The following ZBTB38 variants were observed in gnomAD, a reference collection of about 807,000 sequenced individuals.
ZBTB38 encodes zinc finger and BTB domain-containing protein 38.
Under a neutral mutation model 76.8 loss-of-function variants are expected in ZBTB38, and 20 were observed. The ratio of observed to expected loss-of-function variants is 0.26; its 90% confidence interval spans 0.18 to 0.38. ZBTB38 has a LOEUF of 0.38. Among genes scored for constraint, ZBTB38 ranks in the 10% least tolerant of loss-of-function variants. ZBTB38 has a pLI of 1.00. For synonymous variants in ZBTB38, 504 were observed against 544.2 expected (o/e 0.93, Z 1.03); for missense variants, 1,082 against 1,482.3 (o/e 0.73, Z 4.43).
chr3:141,425,974 G>GGT, intron 5 of ZBTB38: 5 of 384,150 alleles, frequency 1.3e-5, no homozygotes, highest in East Asian at 7.3e-5. Context: ...GTAGAACGGT[G>GGT]CAGAGCACAC....
At chr3:141,340,962 G>GAAAAGAAAAGAAAAGAAAAGA (rs745536086) in intron 1 of ZBTB38, among the ~76,000 whole-genome samples, 22 of 131,686 alleles carry the variant, frequency 1.7e-4, no homozygotes, top group African/African-American at 6.0e-4. Flanking sequence ...AAGAAAGAAA[G>GAAAAGAAAAGAAAAGAAAAGA]AAAGAAAGAA....
chr3:141,329,701 T>G (rs1248065698), intron 1 of ZBTB38, among the ~76,000 whole-genome samples: 1 of 152,246 alleles, frequency 6.6e-6, no homozygotes, highest in Non-Finnish European at 1.5e-5. Flanking sequence ...AGTTTCCAGA[T>G]ACTGCATTAC....
intron 4 of ZBTB38, chr3:141,396,182 G>A (rs1230964764): frequency 6.6e-6 from 1 of 152,224 alleles, no homozygotes; most frequent in East Asian, 1.9e-4. Flanking sequence ...AGTAGAGTCA[G>A]TCTTCTGAAA....
intron 1 of ZBTB38, among the ~76,000 whole-genome samples, chr3:141,363,198 T>C (rs148117021): frequency 3.3e-5 from 5 of 152,280 alleles, no homozygotes; most frequent in African/African-American, 1.2e-4. Flanking sequence ...ACAAAAGAAT[T>C]GCAAGACTTG....
chr3:141,408,982 T>C (rs1955662913), intron 5 of ZBTB38, among the ~76,000 whole-genome samples: 1 of 152,200 alleles, frequency 6.6e-6, no homozygotes, highest in Non-Finnish European at 1.5e-5. Context: ...CAACATGGTG[T>C]GGCAAGTGAA....
chr3:141,438,056 C>T (rs1239647947), intron 5 of ZBTB38, among the ~76,000 whole-genome samples: 3 of 147,830 alleles, frequency 2.0e-5, no homozygotes, highest in Non-Finnish European at 3.0e-5. Context: ...GGACTACAGG[C>T]GCACGCCACT....
chr3:141,346,822 A>G (rs1399662249), intron 1 of ZBTB38, among the ~76,000 whole-genome samples: 1 of 92,538 alleles, frequency 1.1e-5, no homozygotes, highest in Non-Finnish European at 2.3e-5. Context: ...GTGTGGTGCA[A>G]TGCTCACACA....
At chr3:141,395,261 T>G (rs1352104875) in intron 4 of ZBTB38, among the ~76,000 whole-genome samples, 1 of 152,188 alleles carries the variant, frequency 6.6e-6, no homozygotes. Context: ...TTGGTTAACA[T>G]CAGGTTACTG....
intron 5 of ZBTB38, among the ~76,000 whole-genome samples, chr3:141,430,546 C>T (rs758545458): frequency 5.9e-5 from 9 of 152,222 alleles, no homozygotes; most frequent in Non-Finnish European, 5.9e-5. Flanking sequence ...GGCGCATCAT[C>T]TCATTCACTC....
intron 4 of ZBTB38, chr3:141,402,479 G>A (rs958997638): frequency 6.7e-6 from 1 of 149,256 alleles, no homozygotes; most frequent in Non-Finnish European, 1.5e-5. Flanking sequence ...TCTTCGCGGG[G>A]CCGGGGGCGG....
intron 4 of ZBTB38, among the ~76,000 whole-genome samples, chr3:141,401,532 G>A (rs1185758277): frequency 6.6e-6 from 1 of 152,010 alleles, no homozygotes; most frequent in East Asian, 1.9e-4. Context: ...GAACTGGGAT[G>A]CAGAATTGCA....
intron 3 of ZBTB38, 99 bp from the exon 4 acceptor site, chr3:141,386,773 T>C (rs1559930466): frequency 6.6e-6 from 1 of 152,646 alleles, no homozygotes; most frequent in East Asian, 1.9e-4. Flanking sequence ...ATGCCTTCTG[T>C]CTGGTTGCAG....
intron 1 of ZBTB38, among the ~76,000 whole-genome samples, chr3:141,324,740 T>G (rs1942622289): frequency 6.6e-6 from 1 of 152,146 alleles, no homozygotes; most frequent in African/African-American, 2.4e-5. Context: ...GTTTGGAGAA[T>G]AGGTATGAAT....
chr3:141,338,387 A>C (rs1370306552), intron 1 of ZBTB38, among the ~76,000 whole-genome samples: 1 of 152,252 alleles, frequency 6.6e-6, no homozygotes, highest in East Asian at 1.9e-4. Context: ...AAAGACATGA[A>C]TCAACCTAAA....
rs144549080 is a variant in ZBTB38 at position 141,385,845 on chromosome 3, G to T, written c.-171-1027G>T. The stretch of plus-strand genomic sequence containing the variant: ...GATCCCATCAATCTTGAGCAGTGGG[G>T]GTAGGGAGGTGGTTTTGAAGATGAC... On this transcript the variant is annotated intron_variant, in intron 3 of 5. Transcript: ENST00000321464. The T allele has an allele frequency of 3.9e-5, 6 of 152,220 alleles. No individual in the cohort carries two copies. The East Asian group carries it at 1.2e-3, about 29-fold the overall frequency. The allele number at this position is 152,220 out of a possible 1,614,324, so 9.4% of individuals were successfully genotyped here.
intron 4 of ZBTB38, chr3:141,389,607 A>G (rs1948234272): frequency 6.6e-6 from 1 of 152,120 alleles, no homozygotes; most frequent in African/African-American, 2.4e-5. Context: ...TTTTAGTACC[A>G]ACAGCATTAA....
At chr3:141,425,706 A>G (rs895334341) in intron 5 of ZBTB38, among the ~76,000 whole-genome samples, 2 of 152,270 alleles carry the variant, frequency 1.3e-5, no homozygotes, top group Admixed American at 1.3e-4. Context: ...GTGATGCCCT[A>G]TGAGCCTTCA....
In ZBTB38 at chr3:141,445,002, G is replaced by A. The variant is rs776683742; in HGVS notation, c.2614G>A (p.Glu872Lys). The change falls in exon 6 of 6, where the codon GAG becomes AAG. Residue 872 changes from glutamate to lysine, a missense_variant. By Grantham distance (56) the Glu-to-Lys change is moderately conservative (BLOSUM62 1). Around this residue, in one of 8 missense-constraint regions of ZBTB38, gnomAD observed 471 missense variants for 581.0 expected, o/e 0.81. Coordinates refer to ENST00000321464, the MANE Select transcript of ZBTB38 (RefSeq NM_001376113.1). This position sits in a 1 kb window ranked among gnomAD's most constrained non-coding sequence, Gnocchi z 6.5. ...RGRRPKYQMQEEPLPQGNDPE... is the reference protein window; with the variant it reads ...RGRRPKYQMQKEPLPQGNDPE... Reference sequence around the variant, plus strand: ...GAGAAGACCCAAGTATCAGATGCAGGAGGAGCCTTTGCCACAGGGGAATGA... The same window carrying A: ...GAGAAGACCCAAGTATCAGATGCAGAAGGAGCCTTTGCCACAGGGGAATGA... The A allele has an allele frequency of 1.9e-6, 3 of 1,614,146 alleles. No homozygotes were observed. The South Asian group carries it at 3.3e-5, about 18-fold the overall frequency.
chr3:141,363,517 A>G (rs1162008362), upstream of ZBTB38, among the ~76,000 whole-genome samples: 1 of 152,216 alleles, frequency 6.6e-6, no homozygotes, highest in Non-Finnish European at 1.5e-5. Flanking sequence ...AGTAATCAAA[A>G]CAGTGTGGTA....
Sources: allele counts gnomAD v4.1 joint callset (sites outside exome capture counted in the v4.1 genomes callset), GRCh38; gene constraint gnomAD v4.1.1; regional missense constraint gnomAD v4.1.1; non-coding constraint Gnocchi (gnomAD v3.1); transcripts MANE v1.5; gene names NCBI Gene and HGNC (gene_info 2026-07-23, HGNC 2026-07-21).